Variants in RNASET2 observed in about 807,000 individuals in gnomAD.
The protein encoded by RNASET2 is ribonuclease 6.
RNASET2 carries 28 observed loss-of-function variants against 33.9 expected under a neutral mutation model. That is an observed-to-expected ratio of 0.83 (90% CI 0.61 to 1.13). The LOEUF (loss-of-function observed/expected upper bound fraction) is 1.13, where lower values mean the gene tolerates loss of function less well. RNASET2 is among the 50% of genes most tolerant of loss of function. The probability of loss-of-function intolerance (pLI) is 0.00; values close to 1 mark genes in which losing one functional copy is unlikely to be tolerated. For missense variants in RNASET2, 330 were observed against 319.9 expected (o/e 1.03, Z -0.24); for synonymous variants, 123 against 121.0 (o/e 1.02, Z -0.11).
chr6:166,931,227 G>T (rs1778431000), intron 7 of RNASET2, 109 bp from the exon 8 acceptor site: 2 of 817,804 alleles, frequency 2.4e-6, no homozygotes, highest in Non-Finnish European at 4.3e-6. Context: ...CCCTTGGCTG[G>T]CAGGGACAGG....
intron 1 of RNASET2, 170 bp from the exon 2 acceptor site, chr6:166,952,718 C>T: frequency 1.6e-6 from 1 of 641,116 alleles, no homozygotes; most frequent in Non-Finnish European, 2.9e-6. Context: ...CGGTACACCC[C>T]TACACTAAGA....
intron 2 of RNASET2, among the ~76,000 whole-genome samples, chr6:166,951,718 T>G (rs558308390): frequency 1.3e-5 from 2 of 152,398 alleles, no homozygotes; most frequent in African/African-American, 4.8e-5. Context: ...TACAAACTGA[T>G]GATTAATAAT....
chr6:166,943,956 C>T, intron 4 of RNASET2: 1 of 249,140 alleles, frequency 4.0e-6, no homozygotes, highest in Non-Finnish European at 8.4e-6. Context: ...CCTGTCTCTA[C>T]TAAAAATACA....
At chr6:166,955,677 C>G in intron 1 of RNASET2, 1 of 1,056,198 alleles carries the variant, frequency 9.5e-7, no homozygotes, top group Non-Finnish European at 1.1e-6. Context: ...TACCCAGGAC[C>G]TCACCCTACC....
At position 166,924,022 on chromosome 6, in the gene RNASET2, G is replaced by T. The variant is rs138138694; in HGVS notation, c.*5566C>A. Among the ~76,000 whole-genome samples the T allele has an allele frequency of 6.6e-6, 1 of 152,162 alleles. No individual in the cohort carries two copies. Among genetic ancestry groups the T allele is most frequent in the Admixed American group, 6.5e-5 (1 of 15,272 alleles). On this transcript the variant is annotated 3_prime_UTR_variant, in exon 9 of 9. Transcript: ENST00000508775. ...GCAGAAACAAAAAGTGAAAACAGGC[G>T]ATCTGCATGTTTCCTCATCTGGGCG... is the stretch of plus-strand genomic sequence containing the variant.
intron 1 of RNASET2, among the ~76,000 whole-genome samples, chr6:166,954,853 G>T (rs551942837): frequency 4.1e-4 from 62 of 152,240 alleles, no homozygotes; most frequent in African/African-American, 1.4e-3. Flanking sequence ...TTAGCCAGGC[G>T]TGGTGGTGTG....
chr6:166,946,807 C>G (rs1193370792), intron 3 of RNASET2, 68 bp from the exon 4 acceptor site: 17 of 863,558 alleles, frequency 2.0e-5, no homozygotes, highest in Non-Finnish European at 3.3e-5. Flanking sequence ...TCTACATGAC[C>G]TTAGAAAACA....
intron 5 of RNASET2, among the ~76,000 whole-genome samples, chr6:166,940,819 C>T (rs1194248208): frequency 6.6e-6 from 1 of 152,100 alleles, no homozygotes; most frequent in Non-Finnish European, 1.5e-5. Flanking sequence ...CTGAGAGACA[C>T]CCTGACTCAC....
Position 166,924,982 on chromosome 6 carries a change from C to T in RNASET2, c.*4606G>A, listed in dbSNP as rs1329247305. ...AGTGGCAGGAGAAGTACAGGCCTCA[C>T]CTCCACCGCGCAGGCCTCATCTACG... On this transcript the variant is annotated 3_prime_UTR_variant, in exon 9 of 9. Transcript: ENST00000508775. Among the ~76,000 whole-genome samples, 1 of 152,128 alleles carries T rather than the reference C, an allele frequency of 6.6e-6. No homozygotes were observed. The highest frequency in any genetic ancestry group is 1.5e-5 in the Non-Finnish European group (1 of 68,006).
In RNASET2 at chr6:166,942,455, T is replaced by C. The variant is rs149930876; in HGVS notation, c.332+564A>G. On this transcript the variant is annotated intron_variant, in intron 5 of 8. Coordinates refer to ENST00000508775, the MANE Select transcript of RNASET2 (RefSeq NM_003730.6). ...TCTTAGATATGCAAGCATTGGACTT[T>C]GTTAAGCCTCAGAAGAGAAAATTTG... Among the ~76,000 whole-genome samples the C allele has an allele frequency of 2.0e-4, 31 of 152,344 alleles. 1 individual carries two copies. In the East Asian group the frequency reaches 4.1e-3, roughly 20 times the overall value.
chr6:166,953,790 G>A (rs1779042590), intron 1 of RNASET2, among the ~76,000 whole-genome samples: 2 of 151,682 alleles, frequency 1.3e-5, no homozygotes, highest in African/African-American at 4.9e-5. Context: ...TGAGGCAAGA[G>A]GATAGCTTAA....
At chr6:166,943,717 T>C (rs929467291) in intron 4 of RNASET2, 1 of 468,976 alleles carries the variant, frequency 2.1e-6, no homozygotes, top group African/African-American at 2.0e-5. Context: ...AGTTCATTAA[T>C]TGTAACAAAT....
chr6:166,950,427 T>A (rs1024624810), intron 2 of RNASET2, among the ~76,000 whole-genome samples: 1 of 152,240 alleles, frequency 6.6e-6, no homozygotes, highest in Non-Finnish European at 1.5e-5. Context: ...AGCAAGAGCA[T>A]AATTTGAGCC....
intron 2 of RNASET2, among the ~76,000 whole-genome samples, chr6:166,950,727 G>T (rs1778964175): frequency 6.6e-6 from 1 of 152,260 alleles, no homozygotes; most frequent in South Asian, 2.1e-4. Flanking sequence ...AGGGATGTGG[G>T]CATGGAGCAA....
chr6:166,936,859 AATT>A (rs1778582370), intron 6 of RNASET2, among the ~76,000 whole-genome samples: 1 of 152,206 alleles, frequency 6.6e-6, no homozygotes, highest in Non-Finnish European at 1.5e-5. Flanking sequence ...TACAGAGATG[AATT>A]ATTTAGATGA....
chr6:166,954,795 C>T, intron 1 of RNASET2, among the ~76,000 whole-genome samples: 1 of 152,152 alleles, frequency 6.6e-6, no homozygotes, highest in East Asian at 1.9e-4. Flanking sequence ...GGGCGGATCA[C>T]CTGAGGTCAG....
At chr6:166,935,389 G>A (rs1327883100) in intron 6 of RNASET2, among the ~76,000 whole-genome samples, 5 of 152,038 alleles carry the variant, frequency 3.3e-5, no homozygotes, top group African/African-American at 7.2e-5. Context: ...TCTGTGGCTC[G>A]TGTTACACGT....
At chr6:166,932,837 C>T (rs1778479985) in intron 7 of RNASET2, 1 of 152,180 alleles carries the variant, frequency 6.6e-6, no homozygotes, top group Non-Finnish European at 1.5e-5. Context: ...TGTCCCTCAT[C>T]TATTCGCACA....
intron 6 of RNASET2, among the ~76,000 whole-genome samples, chr6:166,936,678 A>G (rs1309470198): frequency 6.6e-6 from 1 of 152,014 alleles, no homozygotes; most frequent in Non-Finnish European, 1.5e-5. Flanking sequence ...GCATTAACCT[A>G]CTCATGAGGG....
Sources: allele counts gnomAD v4.1 joint callset (sites outside exome capture counted in the v4.1 genomes callset), GRCh38; gene constraint gnomAD v4.1.1; transcripts MANE v1.5; gene names NCBI Gene and HGNC (gene_info 2026-07-23, HGNC 2026-07-21).